The following PCDHGA12 variants were observed in gnomAD, a reference collection of about 807,000 sequenced individuals.
PCDHGA12 encodes the protein protocadherin gamma-A12.
PCDHGA12 carries 43 observed loss-of-function variants against 61.1 expected under a neutral mutation model. The ratio of observed to expected loss-of-function variants is 0.70; its 90% confidence interval spans 0.55 to 0.91. The LOEUF (loss-of-function observed/expected upper bound fraction) is 0.91. Among genes scored for constraint, PCDHGA12 ranks in the 40% least tolerant of loss-of-function variants. The pLI is 0.00. For synonymous variants in PCDHGA12, 520 were observed against 542.9 expected (o/e 0.96, Z 0.59); for missense variants, 1,236 against 1,227.7 (o/e 1.01, Z -0.10).
In PCDHGA12 at chr5:141,485,125, G is replaced by A. The variant is rs776015544; in HGVS notation, c.2425-9682G>A. 7.1e-7 allele frequency: 1 copy of A among 1,412,160 alleles called. No homozygotes were observed. The highest frequency in any genetic ancestry group is 1.2e-5 in the South Asian group (1 of 81,022). The allele number at this position is 1,412,160 out of a possible 1,614,324, so 87.5% of individuals were successfully genotyped here. On this transcript the variant is annotated intron_variant, in intron 1 of 3. Transcript: ENST00000252085. This position sits in a 1 kb window ranked among gnomAD's most constrained non-coding sequence, Gnocchi z 5.7. ...CTGCTGTGGCTGTTTGGGGCGGGTC[G>A]GCTTCATCCGCGTCTCAGGAGCAAG... is the stretch of plus-strand genomic sequence containing the variant.
rs1036223789 is a variant in PCDHGA12, at chr5:141,511,298, G to A, written c.*125G>A. On this transcript the variant is annotated 3_prime_UTR_variant, in exon 4 of 4. Transcript: ENST00000252085. ...GAATACTGGTAGGGGCCAAGGCCAT[G>A]CTCCCCTTGGGAAACAGAAACAAGT... The A allele has an allele frequency of 4.7e-6, 7 of 1,502,412 alleles. No individual in the cohort carries two copies. In the African/African-American group the frequency reaches 8.4e-5, roughly 18 times the overall value. The allele number at this position is 1,502,412 out of a possible 1,614,324, so 93.1% of individuals were successfully genotyped here. A position where few individuals can be genotyped will look rare whatever the true frequency, so the allele number is the denominator to read the frequency against.
chr5:141,506,740 T>C (rs1006665092), intron 3 of PCDHGA12, among the ~76,000 whole-genome samples: 2 of 152,104 alleles, frequency 1.3e-5, no homozygotes, highest in African/African-American at 2.4e-5. Context: ...ATAATGCCTA[T>C]TAATAAAGAC....
chr5:141,490,497 C>T lies in PCDHGA12; in HGVS notation c.2425-4310C>T. 8 of 1,614,196 alleles carry T rather than the reference C, an allele frequency of 5.0e-6. No individual in the cohort carries two copies. Among genetic ancestry groups the T allele is most frequent in the Non-Finnish European group, 6.8e-6 (8 of 1,180,038 alleles). ...CTTTGGACCGGGAGGCCACATCCCACTATATCATCGAGCTGCTGGCCAGCG... is the reference window on the plus strand; with the variant it reads ...CTTTGGACCGGGAGGCCACATCCCATTATATCATCGAGCTGCTGGCCAGCG... On this transcript the variant is annotated intron_variant, in intron 1 of 3. Transcript: ENST00000252085. The surrounding 1 kb of genome is among the most constrained non-coding windows in gnomAD (Gnocchi z 5.4).
chr5:141,503,598 CAAA>C (rs765754054), intron 2 of PCDHGA12, among the ~76,000 whole-genome samples: 9 of 65,742 alleles, frequency 1.4e-4, no homozygotes, highest in Admixed American at 3.4e-4. Context: ...GACTCCAGCT[CAAA>C]AAAAAAAAAA....
chr5:141,474,626 G>A (rs1006911535), intron 1 of PCDHGA12, among the ~76,000 whole-genome samples: 5 of 152,288 alleles, frequency 3.3e-5, no homozygotes, highest in African/African-American at 9.6e-5. Flanking sequence ...CATCTCTTCC[G>A]GAAATATCCT....
chr5:141,485,980 G>C lies in PCDHGA12; in HGVS notation c.2425-8827G>C, dbSNP rs151239937. 1 of 1,614,020 alleles carries C rather than the reference G, an allele frequency of 6.2e-7. No individual in the cohort carries two copies. The highest frequency in any genetic ancestry group is 1.3e-5 in the African/African-American group (1 of 74,914). The stretch of plus-strand genomic sequence containing the variant: ...TCATCCAGCTCAATGCCTCAGACCC[G>C]GACCTGGGTCCCAGTGGTAACGTCA... On this transcript the variant is annotated intron_variant, in intron 1 of 3. Transcript: ENST00000252085. The surrounding 1 kb of genome is among the most constrained non-coding windows in gnomAD (Gnocchi z 5.7).
intron 1 of PCDHGA12, among the ~76,000 whole-genome samples, chr5:141,492,394 G>C (rs2099740158): frequency 6.6e-6 from 1 of 152,220 alleles, no homozygotes; most frequent in African/African-American, 2.4e-5. Context: ...CGGTCCACTC[G>C]CAGCTCCCCT....
chr5:141,501,304 C>T (rs1005430489), intron 2 of PCDHGA12, among the ~76,000 whole-genome samples: 104 of 151,340 alleles, frequency 6.9e-4, no homozygotes, highest in African/African-American at 2.2e-3. Flanking sequence ...CACACACACA[C>T]ACACACACAC....
chr5:141,471,427 AGT>A (rs1475862025), intron 1 of PCDHGA12: 1 of 152,188 alleles, frequency 6.6e-6, no homozygotes, highest in Non-Finnish European at 1.5e-5. Flanking sequence ...TAGCAAGGAA[AGT>A]GTATAATCTC....
Position 141,491,916 on chromosome 5 carries a change from G to T in PCDHGA12, c.2425-2891G>T. ...GAGCACCGGGGGTGGTGGCGACTGT[G>T]GGCGAGGGGAGGTGGGACCGACCCC... On this transcript the variant is annotated intron_variant, in intron 1 of 3. Transcript: ENST00000252085. The surrounding 1 kb of genome is among the most constrained non-coding windows in gnomAD (Gnocchi z 6.9). 2 of 1,386,662 alleles carry T rather than the reference G, an allele frequency of 1.4e-6. No homozygotes were observed. Among genetic ancestry groups the T allele is most frequent in the African/African-American group, 1.5e-5 (1 of 68,510 alleles). The allele number at this position is 1,386,662 out of a possible 1,614,324, so 85.9% of individuals were successfully genotyped here.
chr5:141,445,334 A>G (rs1337991795), intron 1 of PCDHGA12, among the ~76,000 whole-genome samples: 1 of 152,224 alleles, frequency 6.6e-6, no homozygotes, highest in African/African-American at 2.4e-5. Context: ...ATCCAGAAAC[A>G]GTAAACATTG....
At chr5:141,483,584 T>C (rs2099583159) in intron 1 of PCDHGA12, among the ~76,000 whole-genome samples, 1 of 152,064 alleles carries the variant, frequency 6.6e-6, no homozygotes, top group African/African-American at 2.4e-5. Context: ...CATAAACACC[T>C]AATAGGTCAG....
rs1378140695 is a variant in PCDHGA12, at chr5:141,485,189, A to G, written c.2425-9618A>G. On this transcript the variant is annotated intron_variant, in intron 1 of 3. Transcript: ENST00000252085. The surrounding 1 kb of genome is among the most constrained non-coding windows in gnomAD (Gnocchi z 5.7). ...GGCGGCAGCAATGCTCCGCAAGGTGAGAAGCTGGACAGAAATCTGGCGGTG... is the reference window on the plus strand; with the variant it reads ...GGCGGCAGCAATGCTCCGCAAGGTGGGAAGCTGGACAGAAATCTGGCGGTG... 1 of 1,613,726 alleles carries G rather than the reference A, an allele frequency of 6.2e-7. No homozygotes were observed. The highest frequency in any genetic ancestry group is 1.7e-5 in the Admixed American group (1 of 60,020).
At position 141,478,334 on chromosome 5, in the gene PCDHGA12, C is replaced by T. The variant is rs1303200872; in HGVS notation, c.2425-16473C>T. 2.5e-6 allele frequency: 4 copies of T among 1,613,944 alleles called. No individual in the cohort carries two copies. The highest frequency in any genetic ancestry group is 3.4e-6 in the Non-Finnish European group (4 of 1,180,016). ...GAGCTCACTGTACCGAACACCAGGG[C>T]CCTCCTTGCACGCGGACGCCGTGCG... On this transcript the variant is annotated intron_variant, in intron 1 of 3. Coordinates refer to ENST00000252085, the MANE Select transcript of PCDHGA12 (RefSeq NM_003735.3).
At position 141,430,642 on chromosome 5, in the gene PCDHGA12, A is replaced by C; in HGVS notation, c.-118A>C. ...CTAGGAATGAACCATCCCTGGGAGT[A>C]TGTGGAAACAACGGAGGAGCTCTGA... On this transcript the variant is annotated 5_prime_UTR_variant, in exon 1 of 4. An upstream start codon of the reference 5' UTR is lost. Transcript: ENST00000252085. The C allele has an allele frequency of 2.2e-6, 2 of 918,498 alleles. No individual in the cohort carries two copies. Among genetic ancestry groups the C allele is most frequent in the South Asian group, 5.1e-5 (2 of 39,538 alleles). 56.9% of individuals were successfully genotyped at this position (918,498 alleles called of 1,614,324 possible).
chr5:141,467,908 C>G (rs2099154038), intron 1 of PCDHGA12, among the ~76,000 whole-genome samples: 1 of 152,172 alleles, frequency 6.6e-6, no homozygotes, highest in Non-Finnish European at 1.5e-5. Flanking sequence ...ATCCGCCCAC[C>G]TCAGCCTCCC....
intron 1 of PCDHGA12, among the ~76,000 whole-genome samples, chr5:141,469,088 G>A (rs1388316490): frequency 6.6e-6 from 1 of 151,604 alleles, no homozygotes; most frequent in Non-Finnish European, 1.5e-5. Context: ...ACCATTCTAG[G>A]CAACAAAGCA....
At chr5:141,452,082 T>C (rs924362905) in intron 1 of PCDHGA12, among the ~76,000 whole-genome samples, 6 of 152,358 alleles carry the variant, frequency 3.9e-5, no homozygotes, top group Admixed American at 6.5e-5. Flanking sequence ...GTTGGCATTA[T>C]ACAGTAAGAA....
At position 141,431,604 on chromosome 5, in the gene PCDHGA12, G is replaced by A; in HGVS notation, c.845G>A (p.Arg282Gln). Residue 282 changes from arginine (R) to glutamine (Q), a missense_variant, in exon 1 of 4, where the codon CGG becomes CAG. Arg to Gln is a conservative substitution (Grantham distance 43). Coordinates refer to ENST00000252085, the MANE Select transcript of PCDHGA12 (RefSeq NM_003735.3). The surrounding 1 kb of genome is among the most constrained non-coding windows in gnomAD (Gnocchi z 4.8). ...AATGCGGAAGTGAGGTATTCCTTCCGGTATGTGGACGACAAGGCGGCCCAA... is the reference window on the plus strand; with the variant it reads ...AATGCGGAAGTGAGGTATTCCTTCCAGTATGTGGACGACAAGGCGGCCCAA... ...GVNAEVRYSF[R>Q]YVDDKAAQVF... 8 of 1,614,206 alleles carry A rather than the reference G, an allele frequency of 5.0e-6. No individual in the cohort carries two copies. Among genetic ancestry groups the A allele is most frequent in the Non-Finnish European group, 6.8e-6 (8 of 1,180,046 alleles).
Sources: allele counts gnomAD v4.1 joint callset (sites outside exome capture counted in the v4.1 genomes callset), GRCh38; gene constraint gnomAD v4.1.1; non-coding constraint Gnocchi (gnomAD v3.1); transcripts MANE v1.5; gene names NCBI Gene and HGNC (gene_info 2026-07-23, HGNC 2026-07-21).